Variants in ORC4 observed in about 807,000 individuals in gnomAD.
The protein encoded by ORC4 is origin recognition complex subunit 4, also known as origin recognition complex, subunit 4 homolog.
In ORC4, 55 loss-of-function variants were observed where a neutral mutation model predicts 63.9. The observed-to-expected ratio is 0.86, with a 90% CI of 0.69 to 1.08. The LOEUF is 1.08. Ranked by LOEUF, ORC4 falls within the 50% of genes least tolerant of loss-of-function variation. The pLI is 0.00. For missense variants in ORC4, 511 were observed against 504.4 expected (o/e 1.01, Z -0.13); for synonymous variants, 150 against 168.5 (o/e 0.89, Z 0.85).
At chr2:147,946,054 A>G (rs1688641199) in intron 9 of ORC4, among the ~76,000 whole-genome samples, 1 of 152,120 alleles carries the variant, frequency 6.6e-6, no homozygotes, top group Non-Finnish European at 1.5e-5. Context: ...CATGCAGGGG[A>G]TTTAAGGTCT....
At chr2:147,971,974 T>C (rs1690240673) in intron 4 of ORC4, among the ~76,000 whole-genome samples, 1 of 152,150 alleles carries the variant, frequency 6.6e-6, no homozygotes, top group Admixed American at 6.5e-5. Context: ...AAAATTTTGC[T>C]TCTCATCCAT....
chr2:147,974,864 C>T (rs768025262), intron 2 of ORC4, among the ~76,000 whole-genome samples: 1 of 138,326 alleles, frequency 7.2e-6, no homozygotes, highest in African/African-American at 2.7e-5. Context: ...GAGGCAGTAA[C>T]GGGGTATAAA....
In ORC4 at chr2:147,972,782, T is replaced by C; in HGVS notation, c.182A>G (p.Asn61Ser). 2 of 1,612,512 alleles carry C rather than the reference T, an allele frequency of 1.2e-6. No individual in the cohort carries two copies. Among genetic ancestry groups the C allele is most frequent in the South Asian group, 1.1e-5 (1 of 90,972 alleles). The change falls in exon 4 of 14, where the codon AAC becomes AGC. Residue 61 changes from asparagine to serine, a missense_variant. Physicochemically the swap from Asn to Ser is conservative, Grantham distance 46 (BLOSUM62 1). Coordinates refer to ENST00000392857, the MANE Select transcript of ORC4 (RefSeq NM_181741.4). ...TCGGGGTCCGATAATAAGGACAGAG[T>C]TACTCTCTCCATGGAGAGCAGTTCT... Reference protein sequence around the residue: ...LKRTALHGESNSVLIIGPRGS... With the variant: ...LKRTALHGESSSVLIIGPRGS...
At chr2:148,017,924 G>C (rs962153471) in intron 1 of ORC4, among the ~76,000 whole-genome samples, 1 of 152,130 alleles carries the variant, frequency 6.6e-6, no homozygotes, top group African/African-American at 2.4e-5. Flanking sequence ...CATAGAACTT[G>C]TTATCTGGAG....
At position 147,994,003 on chromosome 2, in the gene ORC4, G is replaced by T. The variant is rs191897594; in HGVS notation, c.-17-18028C>A. ...TCACTGGAACTAATAAACTACTGTA[G>T]AAAGGTTGCAGGATACAAGGTTAAT... On this transcript the variant is annotated intron_variant, in intron 1 of 13. Transcript: ENST00000392857. Among the ~76,000 whole-genome samples, 2 of 152,216 alleles carry T rather than the reference G, an allele frequency of 1.3e-5. 1 individual carries two copies. Among genetic ancestry groups the T allele is most frequent in the Non-Finnish European group, 2.9e-5 (2 of 68,020 alleles).
chr2:148,004,676 A>T (rs1234032778), intron 1 of ORC4, among the ~76,000 whole-genome samples: 2 of 152,210 alleles, frequency 1.3e-5, no homozygotes, highest in African/African-American at 4.8e-5. Flanking sequence ...AAACCTAGGC[A>T]ATATCATTCA....
chr2:148,003,116 T>C (rs1692416807), intron 1 of ORC4, among the ~76,000 whole-genome samples: 1 of 152,116 alleles, frequency 6.6e-6, no homozygotes, highest in African/African-American at 2.4e-5. Context: ...GAGGCAGTAA[T>C]TAATAGCCTA....
rs13027200 is a variant in ORC4, at chr2:147,952,084, A to G, written c.588+289T>C. ...TTTTCTCAAATATTGGTGAGATTTA[A>G]CCGCCTCATTACTTGATAATGTAGA... On this transcript the variant is annotated intron_variant, in intron 8 of 13. Transcript: ENST00000392857. 0.26 allele frequency among the ~76,000 whole-genome samples: 39,608 copies of G among 152,156 alleles called. 5,986 individuals are homozygous for G. The highest frequency in any genetic ancestry group is 0.46 in the East Asian group (2,389 of 5,172).
At chr2:147,989,525 G>A (rs1379157789) in intron 1 of ORC4, among the ~76,000 whole-genome samples, 2 of 152,120 alleles carry the variant, frequency 1.3e-5, no homozygotes, top group Non-Finnish European at 2.9e-5. Flanking sequence ...GGCCAACATG[G>A]TGAAACTCCA....
rs1479523210 is a variant in ORC4, at chr2:147,934,941, TACC to T, written c.*566_*568del. ...GGGATTCTGATGTGGATGGTATGAG[TACC>T]ACATTTTGAGATGTCTAGAAGAAAA... On this transcript the variant is annotated 3_prime_UTR_variant, in exon 14 of 14. Coordinates refer to ENST00000392857, the MANE Select transcript of ORC4 (RefSeq NM_181741.4). The T allele has an allele frequency of 1.9e-5, 3 of 154,134 alleles. No individual in the cohort carries two copies. The highest frequency in any genetic ancestry group is 7.2e-5 in the African/African-American group (3 of 41,440). 9.5% of individuals were successfully genotyped at this position (154,134 alleles called of 1,614,324 possible).
At chr2:147,967,463 T>A (rs1689958243) in intron 4 of ORC4, among the ~76,000 whole-genome samples, 1 of 151,130 alleles carries the variant, frequency 6.6e-6, no homozygotes, top group South Asian at 2.1e-4. Flanking sequence ...AAAATCAATA[T>A]ACAATAACCA....
At chr2:148,017,629 G>T (rs1012788363) in intron 1 of ORC4, among the ~76,000 whole-genome samples, 8 of 152,180 alleles carry the variant, frequency 5.3e-5, no homozygotes, top group Non-Finnish European at 5.9e-5. Context: ...CCAAGATCAT[G>T]CCACTGGACT....
chr2:147,937,687 C>CAATG (rs762212753), intron 13 of ORC4, among the ~76,000 whole-genome samples: 10 of 152,100 alleles, frequency 6.6e-5, no homozygotes, highest in Non-Finnish European at 1.5e-4. Context: ...TTGTAGTGGA[C>CAATG]AATGGTAATC....
At chr2:147,947,345 T>C (rs1293287248) in intron 9 of ORC4, among the ~76,000 whole-genome samples, 1 of 152,076 alleles carries the variant, frequency 6.6e-6, no homozygotes, top group Non-Finnish European at 1.5e-5. Context: ...TTCAATTATA[T>C]TATTAAATAC....
At chr2:147,990,934 T>G (rs1691543870) in intron 1 of ORC4, among the ~76,000 whole-genome samples, 1 of 152,164 alleles carries the variant, frequency 6.6e-6, no homozygotes, top group Non-Finnish European at 1.5e-5. Context: ...CCTCTGAATT[T>G]CAGTAATCTT....
At chr2:148,017,679 GA>G (rs532489602) in intron 1 of ORC4, among the ~76,000 whole-genome samples, 12 of 152,206 alleles carry the variant, frequency 7.9e-5, no homozygotes, top group Admixed American at 1.3e-4. Context: ...CTCCAGGGGG[GA>G]AAAAATCTCC....
chr2:147,948,159 C>A lies in ORC4; in HGVS notation c.654G>T (p.Met218Ile). 3 of 1,610,448 alleles carry A rather than the reference C, an allele frequency of 1.9e-6. No individual in the cohort carries two copies. The highest frequency in any genetic ancestry group is 4.5e-5 in the East Asian group (2 of 44,708). The change falls in exon 9 of 14, where the codon ATG (methionine) becomes ATT (isoleucine). Residue 218 changes from methionine (M) to isoleucine (I), a missense_variant. Physicochemically the swap from Met to Ile is conservative, Grantham distance 10. Transcript: ENST00000392857. ...SRFSHRQIHL[M>I]NSFGFPQYVK... ...CATACTGTGGAAAACCAAATGAATT[C>A]ATTAAGTGTATCTGCCGGTGAGAAA...
chr2:148,006,569 C>A (rs1229133989), intron 1 of ORC4, among the ~76,000 whole-genome samples: 1 of 152,090 alleles, frequency 6.6e-6, no homozygotes, highest in Admixed American at 6.5e-5. Context: ...GTTTTGCAAC[C>A]GGAGTATTGG....
chr2:147,934,725 A>T lies in ORC4; in HGVS notation c.*785T>A, dbSNP rs1294356308. ...CTGTAGGCAACTGTAACACAATGGT[A>T]AAACATTTGTATATTTAGACATAGA... On this transcript the variant is annotated 3_prime_UTR_variant, in exon 14 of 14. Coordinates refer to ENST00000392857, the MANE Select transcript of ORC4 (RefSeq NM_181741.4). 1 of 152,204 alleles carries T rather than the reference A, an allele frequency of 6.6e-6. No individual in the cohort carries two copies. Among genetic ancestry groups the T allele is most frequent in the Non-Finnish European group, 1.5e-5 (1 of 68,032 alleles). The allele number at this position is 152,204 out of a possible 1,614,324, so 9.4% of individuals were successfully genotyped here. A position where few individuals can be genotyped will look rare whatever the true frequency, so the allele number is the denominator to read the frequency against.
Sources: allele counts gnomAD v4.1 joint callset (sites outside exome capture counted in the v4.1 genomes callset), GRCh38; gene constraint gnomAD v4.1.1; transcripts MANE v1.5; gene names NCBI Gene and HGNC (gene_info 2026-07-23, HGNC 2026-07-21).